LGR5: variants seen among roughly 807,000 people sequenced by gnomAD.
The protein encoded by LGR5 is leucine-rich repeat-containing G protein-coupled receptor 5.
A neutral mutation model predicts 76.7 loss-of-function variants in LGR5; 54 were observed. That is an observed-to-expected ratio of 0.70 (90% confidence interval 0.57 to 0.88). The LOEUF (loss-of-function observed/expected upper bound fraction) is 0.88, where lower values mean the gene tolerates loss of function less well. Among genes scored for constraint, LGR5 ranks in the 40% least tolerant of loss-of-function variants. The pLI is 0.00. For synonymous variants in LGR5, 406 were observed against 421.9 expected, an observed-to-expected ratio of 0.96 and a Z score of 0.46; for missense variants, 1,078 against 1,073.3, an observed-to-expected ratio of 1.00 and a Z score of -0.06.
At chr12:71,539,484 G>A (rs1040270093) in intron 4 of LGR5, among the ~76,000 whole-genome samples, 10 of 151,932 alleles carry the variant, frequency 6.6e-5, no homozygotes, top group Non-Finnish European at 1.0e-4. Flanking sequence ...TTTTTGTTTT[G>A]TTTTGTTTTT....
chr12:71,575,433 G>T (rs963933845), intron 13 of LGR5, among the ~76,000 whole-genome samples: 3 of 152,122 alleles, frequency 2.0e-5, no homozygotes, highest in Non-Finnish European at 4.4e-5. Context: ...ATAATGTTGG[G>T]TGTGATGGTT....
chr12:71,570,178 A>G (rs749612432), intron 11 of LGR5, among the ~76,000 whole-genome samples: 6 of 152,168 alleles, frequency 3.9e-5, no homozygotes, highest in Non-Finnish European at 7.4e-5. Context: ...GGAAGGGGAA[A>G]GCATTAAGGA....
At chr12:71,507,959 A>G (rs7972156) in intron 2 of LGR5, among the ~76,000 whole-genome samples, 14,052 of 151,918 alleles carry the variant, frequency 0.092, 699 homozygotes, top group Non-Finnish European at 0.11. Context: ...AATGGTTCAC[A>G]CCTGTAATCC....
chr12:71,530,996 G>GA (rs35134425), intron 3 of LGR5, among the ~76,000 whole-genome samples: 1,537 of 138,658 alleles, frequency 0.011, 39 homozygotes, highest in African/African-American at 0.026. Context: ...GTCCTGTTGG[G>GA]AAAAAAAAAA....
intron 1 of LGR5, among the ~76,000 whole-genome samples, chr12:71,447,750 C>A (rs1223225771): frequency 6.6e-6 from 1 of 152,166 alleles, no homozygotes; most frequent in African/African-American, 2.4e-5. Context: ...ATTGGCAGGG[C>A]ATAGCCGTGA....
At chr12:71,469,057 T>C (rs1872979231) in intron 1 of LGR5, among the ~76,000 whole-genome samples, 1 of 152,176 alleles carries the variant, frequency 6.6e-6, no homozygotes, top group South Asian at 2.1e-4. Context: ...TTTCGTTTAG[T>C]TTAAATTTAT....
chr12:71,542,371 A>G (rs1876921025), intron 4 of LGR5, among the ~76,000 whole-genome samples: 1 of 152,202 alleles, frequency 6.6e-6, no homozygotes, highest in South Asian at 2.1e-4. Flanking sequence ...ACGTGCAAGA[A>G]GAGCACATCT....
chr12:71,541,381 A>G (rs1876871780), intron 4 of LGR5, among the ~76,000 whole-genome samples: 1 of 152,204 alleles, frequency 6.6e-6, no homozygotes, highest in African/African-American at 2.4e-5. Context: ...TAAAGAGAAT[A>G]TGGGTATTAT....
chr12:71,503,145 A>G (rs1874687008), intron 1 of LGR5, among the ~76,000 whole-genome samples: 2 of 150,360 alleles, frequency 1.3e-5, no homozygotes, highest in Non-Finnish European at 1.5e-5. Flanking sequence ...GGAATCCAGA[A>G]ACTGCATTGA....
intron 11 of LGR5, chr12:71,567,254 C>T (rs1397636796): frequency 1.1e-5 from 3 of 267,416 alleles, no homozygotes; most frequent in African/African-American, 6.6e-5. Context: ...ATGGATCAAC[C>T]ACCCAATATG....
intron 13 of LGR5, among the ~76,000 whole-genome samples, chr12:71,576,886 C>G (rs1044818711): frequency 6.6e-6 from 1 of 152,152 alleles, no homozygotes; most frequent in Admixed American, 6.5e-5. Flanking sequence ...TCTTCTCACT[C>G]AATTACCCAA....
At chr12:71,527,888 G>C (rs1196532320) in intron 3 of LGR5, among the ~76,000 whole-genome samples, 1 of 152,160 alleles carries the variant, frequency 6.6e-6, no homozygotes. Flanking sequence ...TTGGCGTGTA[G>C]CAAGCTGTCC....
chr12:71,497,021 A>G (rs1168692379), intron 1 of LGR5, among the ~76,000 whole-genome samples: 1 of 152,092 alleles, frequency 6.6e-6, no homozygotes, highest in Non-Finnish European at 1.5e-5. Context: ...TCATATTGTG[A>G]AAATTCATCA....
chr12:71,455,292 T>C (rs1360751773), intron 1 of LGR5, among the ~76,000 whole-genome samples: 2 of 152,154 alleles, frequency 1.3e-5, no homozygotes. Flanking sequence ...TTTTTGTATC[T>C]GTAAAATAAG....
intron 1 of LGR5, among the ~76,000 whole-genome samples, chr12:71,488,474 T>C (rs1040025757): frequency 6.6e-6 from 1 of 152,212 alleles, no homozygotes; most frequent in African/African-American, 2.4e-5. Flanking sequence ...GGGCAGTTTT[T>C]CTCTGGTGTC....
rs140178043 is a variant in LGR5 at position 71,564,634 on chromosome 12, A to C, written c.858-1770A>C. ...TATATGCATATATACGTATCTGTAC[A>C]CACGCACTGTGTATATATACATATA... is the stretch of plus-strand genomic sequence containing the variant. On this transcript the variant is annotated intron_variant, in intron 8 of 17. Transcript: ENST00000266674. Among the ~76,000 whole-genome samples the C allele has an allele frequency of 2.0e-3, 296 of 148,596 alleles. 4 individuals carry two copies. The highest frequency in any genetic ancestry group is 6.9e-3 in the African/African-American group (274 of 39,628).
chr12:71,526,601 C>A (rs1876017067), intron 3 of LGR5, among the ~76,000 whole-genome samples: 1 of 152,130 alleles, frequency 6.6e-6, no homozygotes, highest in Non-Finnish European at 1.5e-5. Flanking sequence ...AAATATTGTT[C>A]ATGCCCTTGA....
At chr12:71,535,050 G>A in intron 3 of LGR5, 65 bp from the exon 4 acceptor site, 1 of 1,102,438 alleles carries the variant, frequency 9.1e-7, no homozygotes, top group South Asian at 1.3e-5. Flanking sequence ...ACAGTGCCTG[G>A]CCTTGTTTAG....
intron 8 of LGR5, among the ~76,000 whole-genome samples, chr12:71,563,529 A>G (rs1466092831): frequency 6.6e-6 from 1 of 152,190 alleles, no homozygotes; most frequent in Non-Finnish European, 1.5e-5. Flanking sequence ...TTCACAGTCT[A>G]AGGCCACACA....
Sources: allele counts gnomAD v4.1 joint callset (sites outside exome capture counted in the v4.1 genomes callset), GRCh38; gene constraint gnomAD v4.1.1; transcripts MANE v1.5; gene names NCBI Gene and HGNC (gene_info 2026-07-23, HGNC 2026-07-21).